The following HACD1 variants were observed in gnomAD, a reference collection of about 807,000 sequenced individuals.
HACD1 encodes the protein very-long-chain (3R)-3-hydroxyacyl-CoA dehydratase 1.
A neutral mutation model predicts 32.0 loss-of-function variants in HACD1; 41 were observed. That is an observed-to-expected ratio of 1.28 (90% CI 1.00 to 1.66). The LOEUF (loss-of-function observed/expected upper bound fraction) is 1.66. HACD1 is among the 40% of genes most tolerant of loss of function. The pLI is 0.00. For synonymous variants in HACD1, 142 were observed against 139.0 expected (o/e 1.02, Z -0.15); for missense variants, 396 against 380.1 (o/e 1.04, Z -0.35).
intron 5 of HACD1, among the ~76,000 whole-genome samples, chr10:17,595,197 T>C (rs1449596834): frequency 1.3e-5 from 2 of 152,148 alleles, no homozygotes; most frequent in Non-Finnish European, 2.9e-5. Flanking sequence ...GGTAACTTCT[T>C]TGGTGCATAA....
chr10:17,613,852 A>C (rs1197195534), intron 1 of HACD1, among the ~76,000 whole-genome samples: 1 of 152,176 alleles, frequency 6.6e-6, no homozygotes. Context: ...AAAGTGAAAA[A>C]CCTGAGCACA....
chr10:17,607,651 C>T (rs138264280), intron 1 of HACD1, among the ~76,000 whole-genome samples: 2 of 152,242 alleles, frequency 1.3e-5, no homozygotes, highest in Non-Finnish European at 2.9e-5. Context: ...ATCCATGCAT[C>T]GTTAACATTA....
Position 17,590,500 on chromosome 10 carries a change from T to C in HACD1, c.785-54A>G, listed in dbSNP as rs907569739. The C allele has an allele frequency of 1.7e-5, 23 of 1,333,568 alleles. No individual in the cohort carries two copies. The African/African-American group carries it at 1.9e-4, about 11-fold the overall frequency. 82.6% of individuals were successfully genotyped at this position (1,333,568 alleles called of 1,614,324 possible). On this transcript the variant is annotated intron_variant, in intron 6 of 6. Coordinates refer to ENST00000361271, the MANE Select transcript of HACD1 (RefSeq NM_014241.4). ...CAAGCTATTGCTTTAAAATTATTTA[T>C]ACTTGAAACCTGTTAAATGTGGCAA...
At chr10:17,604,767 G>A (rs1427256054) in intron 1 of HACD1, among the ~76,000 whole-genome samples, 5 of 152,160 alleles carry the variant, frequency 3.3e-5, no homozygotes, top group East Asian at 1.9e-4. Context: ...GGGCAGTGGC[G>A]CAGTCTTGCC....
chr10:17,597,304 T>G (rs892313783), intron 5 of HACD1, among the ~76,000 whole-genome samples: 1 of 152,094 alleles, frequency 6.6e-6, no homozygotes, highest in Non-Finnish European at 1.5e-5. Flanking sequence ...ATGTGGCTAA[T>G]TTTTTAATTT....
chr10:17,594,103 G>A (rs1371549967), intron 6 of HACD1, 102 bp downstream of exon 6: 2 of 1,085,450 alleles, frequency 1.8e-6, no homozygotes, highest in African/African-American at 1.6e-5. Flanking sequence ...TAATGTATTT[G>A]TAAGCAATTA....
Position 17,589,060 on chromosome 10 carries a change from G to C in HACD1, c.*1304C>G, listed in dbSNP as rs1367199461. 6.6e-6 allele frequency: 1 copy of C among 152,054 alleles called. No individual in the cohort carries two copies. Among genetic ancestry groups the C allele is most frequent in the African/African-American group, 2.4e-5 (1 of 41,406 alleles). The allele number at this position is 152,054 out of a possible 1,614,324, so 9.4% of individuals were successfully genotyped here. On this transcript the variant is annotated 3_prime_UTR_variant, in exon 7 of 7. Transcript: ENST00000361271. ...GGTGTATTTTTTTTATTAAACACAAGGACAGGAACTTTATTACAAGACCTT... is the reference window on the plus strand; with the variant it reads ...GGTGTATTTTTTTTATTAAACACAACGACAGGAACTTTATTACAAGACCTT...
At chr10:17,614,175 G>A (rs1416531346) in intron 1 of HACD1, among the ~76,000 whole-genome samples, 1 of 152,208 alleles carries the variant, frequency 6.6e-6, no homozygotes, top group African/African-American at 2.4e-5. Context: ...GGGCACGGTG[G>A]CTCACACCTG....
intron 5 of HACD1, among the ~76,000 whole-genome samples, chr10:17,598,850 G>A (rs1428261044): frequency 2.0e-5 from 3 of 151,914 alleles, no homozygotes; most frequent in African/African-American, 4.8e-5. Context: ...TTTTAAAAAT[G>A]TCTCTGCAAC....
intron 5 of HACD1, among the ~76,000 whole-genome samples, chr10:17,597,983 G>C (rs1834016879): frequency 6.6e-6 from 1 of 152,120 alleles, no homozygotes; most frequent in African/African-American, 2.4e-5. Flanking sequence ...AACATGGCCA[G>C]GCGCAGTGGC....
intron 2 of HACD1, 85 bp downstream of exon 2, chr10:17,603,845 C>T: frequency 6.8e-7 from 1 of 1,467,634 alleles, no homozygotes; most frequent in South Asian, 1.2e-5. Flanking sequence ...GGTATGTAAT[C>T]AGCAAAATCA....
At chr10:17,603,689 T>C in intron 3 of HACD1, 37 bp downstream of exon 3, 1 of 1,605,114 alleles carries the variant, frequency 6.2e-7, no homozygotes, top group Admixed American at 1.7e-5. Flanking sequence ...CTAAAGGCAA[T>C]TTATAATAAA....
rs1833101538 is a variant in HACD1, at chr10:17,617,146, C to T, written c.194G>A (p.Arg65Gln). The T allele has an allele frequency of 6.6e-7, 1 of 1,507,882 alleles. No homozygotes were observed. The highest frequency in any genetic ancestry group is 8.8e-7 in the Non-Finnish European group (1 of 1,131,690). 93.4% of individuals were successfully genotyped at this position (1,507,882 alleles called of 1,614,324 possible). Residue 65 changes from arginine to glutamine, a missense_variant, in exon 1 of 7, where the codon CGG becomes CAG. Transcript: ENST00000361271. ...AGEDREAPGE[R>Q]RRLGVLATAW... ...GGTGGCCAAGACCCCCAGGCGCCTC[C>T]GCTCGCCGGGAGCCTCCCGGTCCTC...
At chr10:17,599,919 G>A (rs1834045677) in intron 4 of HACD1, among the ~76,000 whole-genome samples, 1 of 152,128 alleles carries the variant, frequency 6.6e-6, no homozygotes, top group South Asian at 2.1e-4. Context: ...AGTCAAAGAA[G>A]CAAATACATA....
chr10:17,608,573 A>T lies in HACD1; in HGVS notation c.258-4526T>A, dbSNP rs1255396490. 2.0e-5 allele frequency among the ~76,000 whole-genome samples: 3 copies of T among 151,178 alleles called. No individual in the cohort carries two copies. In the East Asian group the frequency reaches 5.8e-4, roughly 29 times the overall value. On this transcript the variant is annotated intron_variant, in intron 1 of 6. Transcript: ENST00000361271. ...GTGATTTCAGCTCACTGCAACCTCA[A>T]CCTCCCAGGTTCCAGTGATTCTCGT...
rs1263725120 is a variant in HACD1, at chr10:17,604,011, A to G, written c.294T>C (p.Tyr98=). ...LVLAIAMVRF[Y]MEKGTHRGLY... Reference sequence around the variant, plus strand: ...AACCTCTGTGTGTTCCTTTTTCCATATAAAAACGTACCATGGCAATAGCTA... The same window carrying G: ...AACCTCTGTGTGTTCCTTTTTCCATGTAAAAACGTACCATGGCAATAGCTA... The change falls in exon 2 of 7, where the codon TAT becomes TAC. Residue 98 remains tyrosine (Y), a synonymous_variant. Coordinates refer to ENST00000361271, the MANE Select transcript of HACD1 (RefSeq NM_014241.4). 2 of 1,599,648 alleles carry G rather than the reference A, an allele frequency of 1.3e-6. No homozygotes were observed. Among genetic ancestry groups the G allele is most frequent in the Non-Finnish European group, 8.5e-7 (1 of 1,176,406 alleles).
chr10:17,610,243 A>G (rs1244638433), intron 1 of HACD1, among the ~76,000 whole-genome samples: 1 of 152,244 alleles, frequency 6.6e-6, no homozygotes, highest in Non-Finnish European at 1.5e-5. Context: ...CTACGCAGCA[A>G]TAAAAGATAT....
At chr10:17,612,247 A>T (rs1832995688) in intron 1 of HACD1, among the ~76,000 whole-genome samples, 1 of 152,228 alleles carries the variant, frequency 6.6e-6, no homozygotes, top group African/African-American at 2.4e-5. Context: ...CGCATGATTT[A>T]ATCCATTATT....
rs782039207 is a variant in HACD1, at chr10:17,603,553, C to A, written c.483+7G>T. On this transcript the variant is annotated splice_region_variant and intron_variant, in intron 4 of 6. Coordinates refer to ENST00000361271, the MANE Select transcript of HACD1 (RefSeq NM_014241.4). ...GCTCAAGTAGACAACATGTTTGTGT[C>A]ACTTACTGGTTTTATACTGTGAGTA... 3 of 1,595,190 alleles carry A rather than the reference C, an allele frequency of 1.9e-6. No individual in the cohort carries two copies. The highest frequency in any genetic ancestry group is 2.2e-5 in the South Asian group (2 of 89,938).
Sources: gnomAD v4.1 joint callset for allele counts (sites outside exome capture counted in the v4.1 genomes callset) on GRCh38, gnomAD v4.1.1 for gene constraint, MANE v1.5 for transcripts, NCBI Gene and HGNC (gene_info 2026-07-23, HGNC 2026-07-21) for gene names.